RGS6: variants seen among roughly 807,000 people sequenced by gnomAD.
RGS6 encodes the protein regulator of G protein signaling 6.
In RGS6, 30 loss-of-function variants were observed where a neutral mutation model predicts 78.5. The observed-to-expected ratio is 0.38, with a 90% CI of 0.29 to 0.52. The LOEUF is 0.52. Among genes scored for constraint, RGS6 ranks in the 20% least tolerant of loss-of-function variants. The pLI is 0.85. For synonymous variants in RGS6, 206 were observed against 206.0 expected (o/e 1.00, Z 0.00); for missense variants, 495 against 609.7 (o/e 0.81, Z 1.98).
At chr14:72,176,862 A>G (rs1174440017) in intron 2 of RGS6, among the ~76,000 whole-genome samples, 1 of 152,166 alleles carries the variant, frequency 6.6e-6, no homozygotes, top group African/African-American at 2.4e-5. Context: ...CAAGATACAG[A>G]CCAACCCACC....
chr14:72,519,906 T>G (rs2097010314), intron 15 of RGS6, among the ~76,000 whole-genome samples: 1 of 152,202 alleles, frequency 6.6e-6, no homozygotes, highest in African/African-American at 2.4e-5. Context: ...TAGCACAGTA[T>G]TAACACTCCA....
intron 2 of RGS6, among the ~76,000 whole-genome samples, chr14:72,049,769 C>T (rs940422351): frequency 7.9e-5 from 12 of 152,188 alleles, no homozygotes; most frequent in Non-Finnish European, 1.5e-5. Flanking sequence ...AACAGGAAGC[C>T]TTCTGTTGAC....
intron 15 of RGS6, among the ~76,000 whole-genome samples, chr14:72,520,245 G>A (rs1034619060): frequency 6.6e-6 from 1 of 152,136 alleles, no homozygotes; most frequent in Non-Finnish European, 1.5e-5. Flanking sequence ...ATTTGATGAA[G>A]GATTTAGATC....
intron 2 of RGS6, among the ~76,000 whole-genome samples, chr14:72,171,680 G>A (rs2097021591): frequency 6.6e-6 from 1 of 152,190 alleles, no homozygotes; most frequent in African/African-American, 2.4e-5. Flanking sequence ...TAACCCAAGA[G>A]CACATCTTGA....
At chr14:71,938,576 T>A (rs1446767076) in intron 1 of RGS6, among the ~76,000 whole-genome samples, 1 of 152,170 alleles carries the variant, frequency 6.6e-6, no homozygotes, top group East Asian at 1.9e-4. Flanking sequence ...GGGTGCAGGC[T>A]AGGGGAGAGA....
the RGS6 span, among the ~76,000 whole-genome samples, chr14:71,883,999 A>G: frequency 2.0e-5 from 3 of 152,194 alleles, no homozygotes; most frequent in South Asian, 4.2e-4. Flanking sequence ...TGCTCTGCCT[A>G]TGGAGTAGCC....
chr14:71,962,241 C>T (rs1172159775), intron 1 of RGS6, among the ~76,000 whole-genome samples: 1 of 152,154 alleles, frequency 6.6e-6, no homozygotes, highest in Non-Finnish European at 1.5e-5. Flanking sequence ...TCTGGAACAT[C>T]AGCCTGTTTT....
At chr14:72,331,650 A>ACT (rs1345087983) in intron 2 of RGS6, among the ~76,000 whole-genome samples, 2 of 148,804 alleles carry the variant, frequency 1.3e-5, no homozygotes, top group African/African-American at 5.0e-5. Flanking sequence ...CCAGTCATTC[A>ACT]CTCTCTCCCC....
At chr14:72,627,283 C>T in the RGS6 span, among the ~76,000 whole-genome samples, 1 of 152,022 alleles carries the variant, frequency 6.6e-6, no homozygotes, top group Non-Finnish European at 1.5e-5. Context: ...CGTGGTTTTA[C>T]TTTGTACATT....
At chr14:72,526,707 C>A (rs1403598843) in intron 15 of RGS6, among the ~76,000 whole-genome samples, 1 of 147,088 alleles carries the variant, frequency 6.8e-6, no homozygotes, top group Non-Finnish European at 1.5e-5. Context: ...TTTAGATCCA[C>A]ATGATCCCAG....
chr14:72,446,090 C>T (rs957148808), intron 3 of RGS6, among the ~76,000 whole-genome samples: 2 of 152,166 alleles, frequency 1.3e-5, no homozygotes, highest in African/African-American at 4.8e-5. Context: ...GAGACCCTGT[C>T]TCTACAAAAA....
At chr14:72,553,744 A>G (rs17117377) in intron 17 of RGS6, among the ~76,000 whole-genome samples, 8,449 of 152,268 alleles carry the variant, frequency 0.055, 815 homozygotes, top group African/African-American at 0.19. Context: ...TCTAAATCCA[A>G]TAACAGCATC....
chr14:72,026,847 A>T (rs1248698111), intron 2 of RGS6, among the ~76,000 whole-genome samples: 1 of 152,234 alleles, frequency 6.6e-6, no homozygotes, highest in African/African-American at 2.4e-5. Flanking sequence ...TATGTAGTGT[A>T]TGGCTACAGA....
intron 15 of RGS6, among the ~76,000 whole-genome samples, chr14:72,534,926 G>A (rs926313030): frequency 1.3e-5 from 2 of 152,144 alleles, no homozygotes; most frequent in Non-Finnish European, 2.9e-5. Flanking sequence ...CATACATGGG[G>A]GAAGATGCTT....
At chr14:72,342,899 G>A (rs2152689489) in intron 2 of RGS6, among the ~76,000 whole-genome samples, 1 of 152,096 alleles carries the variant, frequency 6.6e-6, no homozygotes, top group South Asian at 2.1e-4. Context: ...TCCCCAAGTG[G>A]GCTACCACAG....
At chr14:72,443,203 C>T (rs2095264075) in intron 3 of RGS6, among the ~76,000 whole-genome samples, 1 of 152,204 alleles carries the variant, frequency 6.6e-6, no homozygotes, top group Non-Finnish European at 1.5e-5. Context: ...TCTTTACCTA[C>T]ATTTCCTCAT....
At chr14:72,381,871 C>G (rs2086218726) in intron 3 of RGS6, among the ~76,000 whole-genome samples, 1 of 151,824 alleles carries the variant, frequency 6.6e-6, no homozygotes, top group South Asian at 2.1e-4. Context: ...TAAGAGCATG[C>G]AAATTGGGAA....
chr14:72,397,053 C>T (rs912354345), intron 3 of RGS6, among the ~76,000 whole-genome samples: 4 of 152,062 alleles, frequency 2.6e-5, no homozygotes, highest in East Asian at 1.9e-4. Flanking sequence ...CCATATGAAC[C>T]TTAAAGTAGT....
intron 2 of RGS6, among the ~76,000 whole-genome samples, chr14:72,067,490 A>G (rs890900322): frequency 1.1e-4 from 16 of 152,150 alleles, no homozygotes; most frequent in African/African-American, 3.9e-4. Flanking sequence ...TTAAAAAAAG[A>G]TTTTTTGGAG....
Sources: gnomAD v4.1 joint callset for allele counts (sites outside exome capture counted in the v4.1 genomes callset) on GRCh38, gnomAD v4.1.1 for gene constraint, MANE v1.5 for transcripts, NCBI Gene and HGNC (gene_info 2026-07-23, HGNC 2026-07-21) for gene names.